The following NEK1 variants were observed in gnomAD, a reference collection of about 807,000 sequenced individuals.
NEK1 encodes NIMA related kinase 1, also known as serine/threonine-protein kinase Nek1.
A neutral mutation model predicts 182.1 loss-of-function variants in NEK1; 137 were observed. That is an observed-to-expected ratio of 0.75 (90% CI 0.65 to 0.87). The LOEUF is 0.87. Ranked by LOEUF, NEK1 falls within the 40% of genes least tolerant of loss-of-function variation. The pLI is 0.00. For synonymous variants in NEK1, 513 were observed against 492.2 expected, an observed-to-expected ratio of 1.04 and a Z score of -0.56; for missense variants, 1,391 against 1,494.4, an observed-to-expected ratio of 0.93 and a Z score of 1.14.
Position 169,393,348 on chromosome 4 carries a change from C to T in NEK1, c.*1162G>A, listed in dbSNP as rs1436164413. 4 of 152,068 alleles carry T rather than the reference C, an allele frequency of 2.6e-5. No homozygotes were observed. The highest frequency in any genetic ancestry group is 4.4e-5 in the Non-Finnish European group (3 of 67,992). 9.4% of individuals were successfully genotyped at this position (152,068 alleles called of 1,614,324 possible). On this transcript the variant is annotated 3_prime_UTR_variant, in exon 36 of 36. Transcript: ENST00000507142. ...TATTAAAAAATCAAGTATTTAGTTT[C>T]GGATATTAGAAATAATATACATAAT...
At chr4:169,544,580 G>A (rs1017500290) in intron 18 of NEK1, among the ~76,000 whole-genome samples, 6 of 143,086 alleles carry the variant, frequency 4.2e-5, no homozygotes, top group African/African-American at 1.5e-4. Context: ...GAATTCGGCT[G>A]TGAATCTGTC....
chr4:169,544,721 T>C (rs1415386005), intron 18 of NEK1, among the ~76,000 whole-genome samples: 1 of 151,648 alleles, frequency 6.6e-6, no homozygotes, highest in Non-Finnish European at 1.5e-5. Flanking sequence ...GGAGGGTGTA[T>C]GTGTCTAGGA....
At chr4:169,547,135 T>C (rs965276487) in intron 18 of NEK1, among the ~76,000 whole-genome samples, 3 of 152,226 alleles carry the variant, frequency 2.0e-5, no homozygotes, top group African/African-American at 7.2e-5. Context: ...CCATGTTTAG[T>C]GCTTCCTTCA....
At chr4:169,499,905 C>T (rs896701438) in intron 23 of NEK1, among the ~76,000 whole-genome samples, 3 of 152,150 alleles carry the variant, frequency 2.0e-5, no homozygotes, top group Non-Finnish European at 2.9e-5. Context: ...CGTGCTGGGA[C>T]AACCACTACT....
At chr4:169,485,485 C>T (rs1008211918) in intron 23 of NEK1, among the ~76,000 whole-genome samples, 11 of 152,102 alleles carry the variant, frequency 7.2e-5, no homozygotes, top group African/African-American at 2.4e-4. Flanking sequence ...TCAATATTAA[C>T]TACATCTTGA....
chr4:169,606,037 G>C (rs1393831925), intron 2 of NEK1, among the ~76,000 whole-genome samples: 2 of 151,708 alleles, frequency 1.3e-5, no homozygotes, highest in Non-Finnish European at 2.9e-5. Context: ...CCATTTTATA[G>C]ACCTTGCCAA....
At chr4:169,449,861 C>G (rs1194759875) in intron 27 of NEK1, among the ~76,000 whole-genome samples, 1 of 152,132 alleles carries the variant, frequency 6.6e-6, no homozygotes, top group African/African-American at 2.4e-5. Context: ...TTCAGAAGGT[C>G]GGTAATAACA....
chr4:169,545,625 C>A (rs1447432581), intron 18 of NEK1, among the ~76,000 whole-genome samples: 1 of 148,376 alleles, frequency 6.7e-6, no homozygotes, highest in African/African-American at 2.5e-5. Context: ...GGAATCGCCA[C>A]ACTGACTTCC....
intron 26 of NEK1, among the ~76,000 whole-genome samples, chr4:169,476,840 T>TA (rs909543563): frequency 6.6e-6 from 1 of 152,100 alleles, no homozygotes; most frequent in Admixed American, 6.6e-5. Context: ...TATACAGAGT[T>TA]AAAGTAATGC....
At chr4:169,494,815 T>C (rs1043334141) in intron 23 of NEK1, among the ~76,000 whole-genome samples, 10 of 152,330 alleles carry the variant, frequency 6.6e-5, no homozygotes, top group African/African-American at 1.7e-4. Flanking sequence ...TGGTATCTCA[T>C]TGTGGTTTTG....
chr4:169,500,915 C>T (rs112751658), intron 23 of NEK1, among the ~76,000 whole-genome samples: 7 of 152,280 alleles, frequency 4.6e-5, no homozygotes, highest in African/African-American at 1.7e-4. Flanking sequence ...TCAGTATTAA[C>T]GCTGAACATA....
chr4:169,609,889 A>C (rs1478287938), intron 2 of NEK1, among the ~76,000 whole-genome samples: 1 of 152,036 alleles, frequency 6.6e-6, no homozygotes, highest in Non-Finnish European at 1.5e-5. Flanking sequence ...CAAACTCCTC[A>C]CTTTTGACAT....
At chr4:169,546,640 T>C (rs953700164) in intron 18 of NEK1, among the ~76,000 whole-genome samples, 3 of 152,240 alleles carry the variant, frequency 2.0e-5, no homozygotes, top group Non-Finnish European at 2.9e-5. Flanking sequence ...AAGAACTTGC[T>C]TTATGAATCT....
intron 27 of NEK1, among the ~76,000 whole-genome samples, chr4:169,446,438 T>A (rs1433332376): frequency 6.6e-6 from 1 of 152,070 alleles, no homozygotes; most frequent in Non-Finnish European, 1.5e-5. Flanking sequence ...ATAGACAAAT[T>A]CCTGCACACA....
intron 18 of NEK1, chr4:169,555,305 C>A: frequency 5.1e-6 from 1 of 195,266 alleles, no homozygotes; most frequent in Non-Finnish European, 1.1e-5. Flanking sequence ...AGAAAGCATG[C>A]TAAGACAACA....
intron 23 of NEK1, 166 bp downstream of exon 23, chr4:169,506,871 A>G: frequency 2.6e-6 from 1 of 391,000 alleles, no homozygotes; most frequent in East Asian, 3.9e-5. Context: ...CGAGAGAGAC[A>G]GAGAGACTGA....
At chr4:169,420,580 T>C (rs1375041318) in intron 31 of NEK1, among the ~76,000 whole-genome samples, 1 of 152,204 alleles carries the variant, frequency 6.6e-6, no homozygotes, top group Non-Finnish European at 1.5e-5. Flanking sequence ...TATAATCTTA[T>C]GGGACCACTG....
chr4:169,507,607 T>G, intron 22 of NEK1, 108 bp downstream of exon 22: 2 of 606,782 alleles, frequency 3.3e-6, no homozygotes, highest in Non-Finnish European at 5.3e-6. Flanking sequence ...GAAAGAAAAA[T>G]TAAAGGAAGA....
chr4:169,497,080 G>A (rs2149644705), intron 23 of NEK1, among the ~76,000 whole-genome samples: 1 of 152,138 alleles, frequency 6.6e-6, no homozygotes, highest in East Asian at 1.9e-4. Context: ...CTCAATTTCA[G>A]AGCCTGTTAT....
Sources: gnomAD v4.1 joint callset for allele counts (sites outside exome capture counted in the v4.1 genomes callset) on GRCh38, gnomAD v4.1.1 for gene constraint, MANE v1.5 for transcripts, NCBI Gene and HGNC (gene_info 2026-07-23, HGNC 2026-07-21) for gene names.